The following NUP62CL variants were observed in gnomAD, a reference collection of about 807,000 sequenced individuals.
The protein encoded by NUP62CL is nucleoporin 62 C-terminal like.
NUP62CL carries 13 observed loss-of-function variants against 15.3 expected under a neutral mutation model. The ratio of observed to expected loss-of-function variants is 0.85; its 90% CI spans 0.55 to 1.35. NUP62CL has a LOEUF of 1.35. NUP62CL is among the 40% of genes most tolerant of loss of function. The pLI is 0.00. For missense variants in NUP62CL, 123 were observed against 130.6 expected (o/e 0.94, Z 0.28); for synonymous variants, 54 against 49.2 (o/e 1.10, Z -0.41).
At chrX:107,152,067 TATATATATTCAG>T (rs34772822) in intron 7 of NUP62CL, among the ~76,000 whole-genome samples, 811 of 70,080 alleles carry the variant, frequency 0.012, 56 homozygotes, top group African/African-American at 0.051. Flanking sequence ...TATATATATA[TATATATATTCAG>T]ATATATATAT....
intron 3 of NUP62CL, among the ~76,000 whole-genome samples, chrX:107,172,748 C>T (rs1055300575): frequency 8.9e-6 from 1 of 111,911 alleles, no homozygotes; most frequent in African/African-American, 3.2e-5. Flanking sequence ...TGATCAATAA[C>T]GAAAATTCTT....
chrX:107,141,746 A>C (rs1402919354), intron 8 of NUP62CL, among the ~76,000 whole-genome samples: 1 of 111,615 alleles, frequency 9.0e-6, no homozygotes, highest in Non-Finnish European at 1.9e-5. Flanking sequence ...TATGAGAGGG[A>C]TGGATGAAAG....
At chrX:107,131,683 A>C in intron 8 of NUP62CL, 1 of 660,774 alleles carries the variant, frequency 1.5e-6, no homozygotes, top group Non-Finnish European at 2.5e-6. Context: ...AAGAGGAGGA[A>C]GAGGAGGAGC....
chrX:107,174,122 TC>T, intron 3 of NUP62CL, among the ~76,000 whole-genome samples: 1 of 70,106 alleles, frequency 1.4e-5, no homozygotes, highest in South Asian at 1.5e-3. Context: ...TCCCTCTCTC[TC>T]CCCCTCTCTC....
At chrX:107,157,840 G>T (rs1370059739) in intron 4 of NUP62CL, among the ~76,000 whole-genome samples, 1 of 110,957 alleles carries the variant, frequency 9.0e-6, no homozygotes, top group Non-Finnish European at 1.9e-5. Context: ...TGGCAAATTG[G>T]ATAAAGAGTC....
intron 8 of NUP62CL, among the ~76,000 whole-genome samples, chrX:107,128,801 TTC>T (rs1925445479): frequency 1.8e-5 from 2 of 111,997 alleles, no homozygotes; most frequent in Non-Finnish European, 3.8e-5. Flanking sequence ...CCATAAATAC[TTC>T]TTCAAGATGA....
intron 2 of NUP62CL, 36 bp from the exon 3 acceptor site, chrX:107,175,229 C>A (rs1926755805): frequency 3.1e-6 from 2 of 645,716 alleles, no homozygotes; most frequent in African/African-American, 4.5e-5. Context: ...AAATATGTCA[C>A]TAAAAATAAT....
intron 4 of NUP62CL, among the ~76,000 whole-genome samples, chrX:107,156,145 G>T (rs1027549528): frequency 9.0e-6 from 1 of 110,952 alleles, no homozygotes; most frequent in Non-Finnish European, 1.9e-5. Flanking sequence ...ACGGCATCTC[G>T]CTGATTGCTA....
At chrX:107,166,832 A>C (rs1926526424) in intron 4 of NUP62CL, among the ~76,000 whole-genome samples, 1 of 111,789 alleles carries the variant, frequency 8.9e-6, no homozygotes, top group Admixed American at 9.5e-5. Context: ...AAGGTCACAT[A>C]TATATGACTC....
chrX:107,173,980 GA>G (rs1387627780), intron 3 of NUP62CL, among the ~76,000 whole-genome samples: 1 of 109,143 alleles, frequency 9.2e-6, no homozygotes, highest in African/African-American at 3.3e-5. Flanking sequence ...AGGCCTGTAA[GA>G]AAAAATTGCC....
At position 107,185,049 on chromosome X, in the gene NUP62CL, C is replaced by T. The variant is rs1927020563; in HGVS notation, c.-48+7980G>A. Among the ~76,000 whole-genome samples the T allele has an allele frequency of 1.8e-5, 2 of 109,933 alleles. 1 individual carries two copies. The highest frequency in any genetic ancestry group is 1.9e-4 in the Admixed American group (2 of 10,381). ...AGAGATGATGGAAAGCTCAGAAAAT[C>T]TGTTGCCAATAGACTACCGTAAAAG... On this transcript the variant is annotated intron_variant, in intron 2 of 8. Coordinates refer to ENST00000372466, the MANE Select transcript of NUP62CL (RefSeq NM_017681.3).
chrX:107,167,146 T>G (rs908144862), intron 4 of NUP62CL, among the ~76,000 whole-genome samples: 6 of 111,995 alleles, frequency 5.4e-5, no homozygotes, highest in Non-Finnish European at 3.8e-5. Flanking sequence ...AAAAGCTTAA[T>G]TTAAAAAATG....
intron 4 of NUP62CL, 65 bp downstream of exon 4, chrX:107,167,584 A>G (rs1218934958): frequency 1.2e-6 from 1 of 821,218 alleles, no homozygotes; most frequent in Non-Finnish European, 1.7e-6. Flanking sequence ...AAGTTATCCA[A>G]GCAAATGTCT....
chrX:107,142,390 G>A (rs749037130), intron 8 of NUP62CL, among the ~76,000 whole-genome samples: 2 of 111,497 alleles, frequency 1.8e-5, no homozygotes, highest in East Asian at 5.6e-4. Context: ...GTTACTCTAA[G>A]GAGTAACTCT....
intron 2 of NUP62CL, among the ~76,000 whole-genome samples, chrX:107,183,033 A>G (rs1926954636): frequency 9.0e-6 from 1 of 111,271 alleles, no homozygotes; most frequent in Non-Finnish European, 1.9e-5. Flanking sequence ...CCCTGTCTTA[A>G]AAGAAAAATA....
intron 7 of NUP62CL, among the ~76,000 whole-genome samples, chrX:107,152,063 T>G (rs1165389055): frequency 2.8e-5 from 2 of 71,192 alleles, no homozygotes; most frequent in Non-Finnish European, 4.8e-5. Context: ...TATATATATA[T>G]ATATATATAT....
At chrX:107,149,739 A>G (rs1925966014) in intron 7 of NUP62CL, among the ~76,000 whole-genome samples, 3 of 111,585 alleles carry the variant, frequency 2.7e-5, no homozygotes, top group African/African-American at 9.8e-5. Flanking sequence ...ATCTTCACCT[A>G]CCCGATCCTG....
chrX:107,181,471 T>C (rs1926918842), intron 2 of NUP62CL, among the ~76,000 whole-genome samples: 1 of 111,549 alleles, frequency 9.0e-6, no homozygotes, highest in Admixed American at 9.6e-5. Context: ...ATTTTTATGT[T>C]ACATAATATT....
intron 3 of NUP62CL, among the ~76,000 whole-genome samples, chrX:107,171,328 G>T (rs1192830950): frequency 9.0e-6 from 1 of 111,652 alleles, no homozygotes; most frequent in Non-Finnish European, 1.9e-5. Flanking sequence ...TGGGGAGAAG[G>T]GTAAGTGCTT....
Sources: allele counts gnomAD v4.1 joint callset (sites outside exome capture counted in the v4.1 genomes callset), GRCh38; gene constraint gnomAD v4.1.1; transcripts MANE v1.5; gene names NCBI Gene and HGNC (gene_info 2026-07-23, HGNC 2026-07-21).